Variants in NRG3 observed in about 807,000 individuals in gnomAD.
NRG3 encodes the protein neuregulin 3, also known as pro-neuregulin-3, membrane-bound isoform.
Under a neutral mutation model 66.9 loss-of-function variants are expected in NRG3, and 31 were observed. That is an observed-to-expected ratio of 0.46 (90% CI 0.35 to 0.63). The LOEUF (loss-of-function observed/expected upper bound fraction) is 0.63. NRG3 is among the 20% of genes least tolerant of loss of function. The pLI is 0.00. For synonymous variants in NRG3, 393 were observed against 359.4 expected (o/e 1.09, Z -1.06); for missense variants, 910 against 878.9 (o/e 1.04, Z -0.45).
rs67224862 is a variant in NRG3 at position 82,856,756 on chromosome 10, C to CAA, written c.1028-8639_1028-8638dup. 5.6e-4 allele frequency among the ~76,000 whole-genome samples: 60 copies of CAA among 107,506 alleles called. No individual in the cohort carries two copies. The South Asian group carries it at 7.6e-3, about 14-fold the overall frequency. The allele number at this position is 107,506 out of a possible 152,430, so 70.5% of individuals were successfully genotyped here. A position where few individuals can be genotyped will look rare whatever the true frequency, so the allele number is the denominator to read the frequency against. ...AAGACTCTGTCTCAAAAAAAAAAAA[C>CAA]AAAAAAAAAAAAAAAAAGAAAAGAA... On this transcript the variant is annotated intron_variant, in intron 3 of 8. Transcript: ENST00000372141.
chr10:82,916,630 A>ATTTT (rs10628568), intron 4 of NRG3, among the ~76,000 whole-genome samples: 1 of 147,942 alleles, frequency 6.8e-6, no homozygotes. Context: ...CAGCAATTAC[A>ATTTT]TTTTTTTTTT....
At chr10:82,005,459 G>A (rs1039542677) in intron 1 of NRG3, among the ~76,000 whole-genome samples, 1 of 152,066 alleles carries the variant, frequency 6.6e-6, no homozygotes, top group African/African-American at 2.4e-5. Context: ...AATTTGACCC[G>A]TGCATGAAAA....
intron 1 of NRG3, among the ~76,000 whole-genome samples, chr10:81,919,984 T>C (rs1481830070): frequency 6.6e-6 from 1 of 152,112 alleles, no homozygotes; most frequent in East Asian, 1.9e-4. Context: ...TACACTAATA[T>C]ACGAAAAATT....
At chr10:82,208,471 C>T (rs767271691) in intron 1 of NRG3, among the ~76,000 whole-genome samples, 4 of 152,098 alleles carry the variant, frequency 2.6e-5, no homozygotes, top group Admixed American at 2.0e-4. Flanking sequence ...CTATGCCATT[C>T]CCATAACCAT....
At chr10:82,351,149 C>G (rs2083416326) in intron 1 of NRG3, among the ~76,000 whole-genome samples, 1 of 152,126 alleles carries the variant, frequency 6.6e-6, no homozygotes, top group Admixed American at 6.5e-5. Context: ...CCGCCTCGGC[C>G]TCCCAAAGTG....
intron 2 of NRG3, among the ~76,000 whole-genome samples, chr10:82,461,295 T>C (rs764440681): frequency 2.0e-5 from 3 of 150,910 alleles, no homozygotes; most frequent in Non-Finnish European, 4.4e-5. Context: ...GTGACAACTA[T>C]CATCATTGCT....
chr10:82,787,776 T>G (rs2060429570), intron 3 of NRG3, among the ~76,000 whole-genome samples: 1 of 152,190 alleles, frequency 6.6e-6, no homozygotes, highest in African/African-American at 2.4e-5. Flanking sequence ...TAAATCTGAA[T>G]GTCAAAAGTC....
At chr10:81,994,383 A>G (rs912365919) in intron 1 of NRG3, among the ~76,000 whole-genome samples, 4 of 152,118 alleles carry the variant, frequency 2.6e-5, no homozygotes, top group African/African-American at 4.8e-5. Context: ...TAAATAAGAT[A>G]TTGTGTTAAG....
At chr10:82,701,692 T>G (rs1448071588) in intron 2 of NRG3, among the ~76,000 whole-genome samples, 2 of 152,174 alleles carry the variant, frequency 1.3e-5, no homozygotes, top group African/African-American at 2.4e-5. Context: ...AGCGTTAATG[T>G]TATTTCTTTA....
At chr10:82,971,431 C>A (rs910661745) in intron 6 of NRG3, among the ~76,000 whole-genome samples, 3 of 121,484 alleles carry the variant, frequency 2.5e-5, no homozygotes, top group Non-Finnish European at 4.8e-5. Flanking sequence ...GTTGAGAAAG[C>A]CGTTCTTTTT....
intron 1 of NRG3, among the ~76,000 whole-genome samples, chr10:82,046,176 G>T (rs1174808170): frequency 6.7e-6 from 1 of 148,578 alleles, no homozygotes; most frequent in African/African-American, 2.5e-5. Context: ...CCATTTTCAT[G>T]ATATTGATTC....
At chr10:82,615,515 T>C (rs1236726534) in intron 2 of NRG3, among the ~76,000 whole-genome samples, 2 of 152,200 alleles carry the variant, frequency 1.3e-5, no homozygotes, top group African/African-American at 2.4e-5. Flanking sequence ...ATAAACAATT[T>C]CTTGTAGTGT....
chr10:82,150,287 A>G (rs1480353535), intron 1 of NRG3, among the ~76,000 whole-genome samples: 2 of 152,068 alleles, frequency 1.3e-5, no homozygotes, highest in Admixed American at 6.6e-5. Flanking sequence ...AGGTGTTGCA[A>G]ACATGTCAGT....
rs145226360 is a variant in NRG3 at position 82,154,779 on chromosome 10, A to C, written c.824-203960A>C. 3.8e-3 allele frequency among the ~76,000 whole-genome samples: 581 copies of C among 151,630 alleles called. 6 individuals are homozygous for C. The highest frequency in any genetic ancestry group is 0.013 in the African/African-American group (548 of 41,470). ...TTTTTGGTTTTCACTTCCTCAATTAAATTTATTCATAAGTTTTCTTTTTGA... is the reference window on the plus strand; with the variant it reads ...TTTTTGGTTTTCACTTCCTCAATTACATTTATTCATAAGTTTTCTTTTTGA... On this transcript the variant is annotated intron_variant, in intron 1 of 8. Transcript: ENST00000372141.
At chr10:82,381,491 G>A (rs930868212) in intron 2 of NRG3, among the ~76,000 whole-genome samples, 1 of 152,060 alleles carries the variant, frequency 6.6e-6, no homozygotes, top group Non-Finnish European at 1.5e-5. Context: ...TCGTCCAAGC[G>A]GCAGAGCAAG....
intron 2 of NRG3, among the ~76,000 whole-genome samples, chr10:82,493,414 G>T (rs1052475006): frequency 4.6e-5 from 7 of 152,144 alleles, no homozygotes; most frequent in African/African-American, 1.7e-4. Context: ...GTTTGCTGAG[G>T]ATAATGGCTT....
intron 1 of NRG3, among the ~76,000 whole-genome samples, chr10:82,304,203 A>G (rs1456984943): frequency 6.6e-6 from 1 of 152,210 alleles, no homozygotes; most frequent in Admixed American, 6.5e-5. Flanking sequence ...ATAGGTAAAA[A>G]ATTGTATCGC....
At chr10:82,054,379 G>A (rs2063739233) in intron 1 of NRG3, among the ~76,000 whole-genome samples, 2 of 152,146 alleles carry the variant, frequency 1.3e-5, no homozygotes, top group African/African-American at 4.8e-5. Context: ...AAGGTGTGAT[G>A]GAGGAAAGGA....
intron 6 of NRG3, among the ~76,000 whole-genome samples, chr10:82,965,442 T>C (rs1851116136): frequency 6.6e-6 from 1 of 152,114 alleles, no homozygotes. Context: ...GGAAACAAAA[T>C]AAATATTTTT....
Sources: allele counts gnomAD v4.1 joint callset (sites outside exome capture counted in the v4.1 genomes callset), GRCh38; gene constraint gnomAD v4.1.1; transcripts MANE v1.5; gene names NCBI Gene and HGNC (gene_info 2026-07-23, HGNC 2026-07-21).